The following TENM4 variants were observed in gnomAD, a reference collection of about 807,000 sequenced individuals.
The protein encoded by TENM4 is teneurin-4.
Under a neutral mutation model 243.3 loss-of-function variants are expected in TENM4, and 82 were observed. The ratio of observed to expected loss-of-function variants is 0.34; its 90% CI spans 0.28 to 0.40. The LOEUF (loss-of-function observed/expected upper bound fraction) is 0.40, where lower values mean the gene tolerates loss of function less well. Among genes scored for constraint, TENM4 ranks in the 10% least tolerant of loss-of-function variants. TENM4 has a pLI of 1.00. For missense variants in TENM4, 3,138 were observed against 3,673.3 expected, an observed-to-expected ratio of 0.85 and a Z score of 3.77; for synonymous variants, 1,412 against 1,456.3, an observed-to-expected ratio of 0.97 and a Z score of 0.69.
chr11:79,166,562 T>C lies in TENM4; in HGVS notation c.-162-17756A>G, dbSNP rs1862919616. Among the ~76,000 whole-genome samples, 3 of 152,360 alleles carry C rather than the reference T, an allele frequency of 2.0e-5. No individual in the cohort carries two copies. In the South Asian group the frequency reaches 6.2e-4, roughly 32 times the overall value. On this transcript the variant is annotated intron_variant, in intron 3 of 33. Transcript: ENST00000278550. ...GCTTACTATTGGCTATTCTAAGTTATTGACCCTTATTACCTTATTTAATCT... is the reference window on the plus strand; with the variant it reads ...GCTTACTATTGGCTATTCTAAGTTACTGACCCTTATTACCTTATTTAATCT...
chr11:79,091,276 T>G (rs997911384), intron 4 of TENM4, among the ~76,000 whole-genome samples: 18 of 152,226 alleles, frequency 1.2e-4, no homozygotes, highest in Non-Finnish European at 2.6e-4. Flanking sequence ...CTTGTCAGCC[T>G]GGGATAACTT....
At chr11:79,011,948 T>C (rs1004529610) in intron 6 of TENM4, among the ~76,000 whole-genome samples, 6 of 152,184 alleles carry the variant, frequency 3.9e-5, no homozygotes, top group Non-Finnish European at 5.9e-5. Context: ...CCCTTTTCCC[T>C]GGATGTAGCC....
rs181876699 is a variant in TENM4, at chr11:79,259,525, C to T, written c.-265+37963G>A. ...TGCATCCATCCATCCATCCATCCATCCATCCACCCACCTACCTACCCATAT... is the reference window on the plus strand; with the variant it reads ...TGCATCCATCCATCCATCCATCCATTCATCCACCCACCTACCTACCCATAT... On this transcript the variant is annotated intron_variant, in intron 2 of 33. Transcript: ENST00000278550. Among the ~76,000 whole-genome samples, 19 of 151,890 alleles carry T rather than the reference C, an allele frequency of 1.3e-4. No homozygotes were observed. In the East Asian group the frequency reaches 3.7e-3, roughly 30 times the overall value.
chr11:78,867,181 C>A (rs1859002002), intron 9 of TENM4, among the ~76,000 whole-genome samples: 2 of 152,104 alleles, frequency 1.3e-5, no homozygotes, highest in African/African-American at 4.8e-5. Flanking sequence ...GTTGTGCTAT[C>A]AAATAGCACA....
intron 9 of TENM4, among the ~76,000 whole-genome samples, chr11:78,870,206 G>C (rs1455671430): frequency 6.6e-6 from 1 of 152,234 alleles, no homozygotes; most frequent in Non-Finnish European, 1.5e-5. Context: ...CATACCAGGA[G>C]CTCAGTAAAT....
rs1855983986 is a variant in TENM4, at chr11:78,903,469, A to G, written c.548T>C (p.Leu183Pro). 1 of 1,548,486 alleles carries G rather than the reference A, an allele frequency of 6.5e-7. No individual in the cohort carries two copies. The highest frequency in any genetic ancestry group is 8.7e-7 in the Non-Finnish European group (1 of 1,145,850). The change falls in exon 7 of 34, where the codon CTC (leucine) becomes CCC (proline). Residue 183 changes from leucine to proline, a missense_variant. This residue lies in a region of TENM4 where 671 missense variants were observed against 614.1 expected (regional missense o/e 1.09). Coordinates refer to ENST00000278550, the MANE Select transcript of TENM4 (RefSeq NM_001098816.3). ...CTGGTTGGGGGTGTGGGCGTGCGAGAGCGGCGGCGGCGGCGTCCGGAGCCG... is the reference window on the plus strand; with the variant it reads ...CTGGTTGGGGGTGTGGGCGTGCGAGGGCGGCGGCGGCGGCGTCCGGAGCCG... ...HARLRTPPPPLSHAHTPNQHH... is the reference protein window; with the variant it reads ...HARLRTPPPPPSHAHTPNQHH...
chr11:79,390,800 T>G (rs897947682), intron 1 of TENM4, among the ~76,000 whole-genome samples: 3 of 152,242 alleles, frequency 2.0e-5, no homozygotes, highest in African/African-American at 7.2e-5. Context: ...CCACATGTCC[T>G]CCACTGCTGA....
At chr11:79,332,061 G>T (rs967410236) in intron 1 of TENM4, among the ~76,000 whole-genome samples, 1 of 152,166 alleles carries the variant, frequency 6.6e-6, no homozygotes, top group Non-Finnish European at 1.5e-5. Flanking sequence ...TCAATGTCAG[G>T]CACAACTCTG....
intron 1 of TENM4, among the ~76,000 whole-genome samples, chr11:79,391,250 CT>C (rs910797913): frequency 2.5e-4 from 38 of 149,202 alleles, no homozygotes; most frequent in Middle Eastern, 3.5e-3. Context: ...TTTATAGTTC[CT>C]TTTTTTTTTC....
At chr11:79,169,694 T>C (rs1051216567) in intron 3 of TENM4, among the ~76,000 whole-genome samples, 3 of 152,196 alleles carry the variant, frequency 2.0e-5, no homozygotes, top group African/African-American at 7.2e-5. Context: ...AATTCTGCTG[T>C]GGCCAGAGAC....
intron 1 of TENM4, among the ~76,000 whole-genome samples, chr11:79,405,039 C>T (rs899539163): frequency 6.6e-5 from 10 of 152,034 alleles, no homozygotes; most frequent in African/African-American, 2.4e-4. Context: ...TGCATGCCTG[C>T]GTGTGTTTAT....
At chr11:79,118,788 A>T (rs540640985) in intron 4 of TENM4, among the ~76,000 whole-genome samples, 1 of 152,210 alleles carries the variant, frequency 6.6e-6, no homozygotes, top group Non-Finnish European at 1.5e-5. Flanking sequence ...GCTACATCTT[A>T]TTGATCCATT....
chr11:78,749,563 G>A (rs1260176731), intron 19 of TENM4, among the ~76,000 whole-genome samples: 2 of 152,044 alleles, frequency 1.3e-5, no homozygotes, highest in Non-Finnish European at 2.9e-5. Context: ...GTGTGGGGTG[G>A]GGAGCAAATG....
chr11:78,906,721 C>T (rs530010381), intron 6 of TENM4, among the ~76,000 whole-genome samples: 1 of 152,284 alleles, frequency 6.6e-6, no homozygotes, highest in African/African-American at 2.4e-5. Flanking sequence ...TGAATGCTGA[C>T]AGCAGGCAAC....
At chr11:78,944,428 G>A (rs1365284068) in intron 6 of TENM4, among the ~76,000 whole-genome samples, 4 of 152,180 alleles carry the variant, frequency 2.6e-5, no homozygotes, top group Non-Finnish European at 5.9e-5. Context: ...TGAAGGAGCT[G>A]CCTTACTTTG....
intron 6 of TENM4, among the ~76,000 whole-genome samples, chr11:78,947,139 A>C (rs1387652680): frequency 6.6e-6 from 1 of 152,244 alleles, no homozygotes; most frequent in Non-Finnish European, 1.5e-5. Flanking sequence ...GGAAGAATCG[A>C]TACATGAGGC....
chr11:79,147,425 T>C (rs1862414474), intron 4 of TENM4, among the ~76,000 whole-genome samples: 1 of 152,044 alleles, frequency 6.6e-6, no homozygotes, highest in African/African-American at 2.4e-5. Flanking sequence ...CCCTTTTAAC[T>C]GTATATTTCC....
intron 9 of TENM4, among the ~76,000 whole-genome samples, chr11:78,865,032 G>C (rs1474141480): frequency 1.3e-5 from 2 of 152,106 alleles, no homozygotes; most frequent in Non-Finnish European, 2.9e-5. Context: ...CAGTATGTGG[G>C]GGAACTTGTA....
chr11:78,756,621 G>T (rs1393461301), intron 19 of TENM4, 184 bp downstream of exon 19: 6 of 619,180 alleles, frequency 9.7e-6, no homozygotes, highest in African/African-American at 7.4e-5. Flanking sequence ...AAACTCCTTG[G>T]AGAGTAGTTT....
Sources: gnomAD v4.1 joint callset for allele counts (sites outside exome capture counted in the v4.1 genomes callset) on GRCh38, gnomAD v4.1.1 for gene constraint, gnomAD v4.1.1 regional missense constraint, MANE v1.5 for transcripts, NCBI Gene and HGNC (gene_info 2026-07-23, HGNC 2026-07-21) for gene names.